Variants in SLC25A33 observed in about 807,000 individuals in gnomAD.
SLC25A33 encodes the protein solute carrier family 25 member 33.
Under a neutral mutation model 35.5 loss-of-function variants are expected in SLC25A33, and 15 were observed. That is an observed-to-expected ratio of 0.42 (90% CI 0.28 to 0.65). The LOEUF is 0.65. Ranked by LOEUF, SLC25A33 falls within the 30% of genes least tolerant of loss-of-function variation. The pLI, the probability that SLC25A33 is intolerant of heterozygous loss-of-function variation, is 0.20. For missense variants in SLC25A33, 257 were observed against 398.5 expected (o/e 0.64, Z 3.02); for synonymous variants, 136 against 148.7 (o/e 0.91, Z 0.62).
intron 5 of SLC25A33, among the ~76,000 whole-genome samples, chr1:9,575,079 G>A (rs1176751947): frequency 6.6e-6 from 1 of 151,802 alleles, no homozygotes; most frequent in East Asian, 1.9e-4. Context: ...CGGGCGTGAT[G>A]GTGGGCGCCT....
chr1:9,542,430 CA>C (rs1167861127), intron 1 of SLC25A33, among the ~76,000 whole-genome samples: 1 of 152,092 alleles, frequency 6.6e-6, no homozygotes, highest in Non-Finnish European at 1.5e-5. Context: ...AGACAGCTTC[CA>C]AAAGTATGTT....
At chr1:9,573,512 A>G in intron 5 of SLC25A33, 100 bp downstream of exon 5, 1 of 941,412 alleles carries the variant, frequency 1.1e-6, no homozygotes, top group Non-Finnish European at 1.6e-6. Context: ...ATAGAGATGT[A>G]CCCCCCTCCT....
At chr1:9,577,058 A>T in intron 5 of SLC25A33, 2 of 670,710 alleles carry the variant, frequency 3.0e-6, no homozygotes, top group Admixed American at 5.0e-5. Context: ...TATTTAAATG[A>T]TGCCATAAAA....
intron 4 of SLC25A33, among the ~76,000 whole-genome samples, chr1:9,571,434 T>C (rs781754143): frequency 1.3e-5 from 2 of 151,532 alleles, no homozygotes; most frequent in African/African-American, 2.4e-5. Flanking sequence ...GTTGGGACTA[T>C]AGGCACGTGT....
At chr1:9,570,404 C>G (rs1643572647) in intron 4 of SLC25A33, 46 bp downstream of exon 4, 1 of 1,491,668 alleles carries the variant, frequency 6.7e-7, no homozygotes, top group Non-Finnish European at 9.3e-7. Context: ...TCTCACTTTT[C>G]TAAAGCATGC....
chr1:9,545,949 C>T (rs1007889412), intron 1 of SLC25A33, among the ~76,000 whole-genome samples: 6 of 151,136 alleles, frequency 4.0e-5, no homozygotes, highest in African/African-American at 9.7e-5. Flanking sequence ...GGCAACAGAG[C>T]GAGACTCCGT....
Position 9,580,335 on chromosome 1 carries a change from C to A in SLC25A33, c.763+101C>A, listed in dbSNP as rs1643723630. 4 of 1,450,648 alleles carry A rather than the reference C, an allele frequency of 2.8e-6. No individual in the cohort carries two copies. The East Asian group carries it at 6.8e-5, about 25-fold the overall frequency. 89.9% of individuals were successfully genotyped at this position (1,450,648 alleles called of 1,614,324 possible). ...TGAGGCGCACATTGAGGCGCAGGAT[C>A]CCTGCAGGTAAGGTCAGTGAGTATG... On this transcript the variant is annotated intron_variant, in intron 6 of 6. Transcript: ENST00000302692.
intron 5 of SLC25A33, among the ~76,000 whole-genome samples, chr1:9,575,708 A>T (rs1569875982): frequency 6.6e-6 from 1 of 152,178 alleles, no homozygotes; most frequent in Admixed American, 6.6e-5. Flanking sequence ...AATGACCATG[A>T]TAACCTCTGC....
intron 4 of SLC25A33, among the ~76,000 whole-genome samples, chr1:9,570,915 A>G (rs1643581303): frequency 6.6e-6 from 1 of 151,880 alleles, no homozygotes; most frequent in Non-Finnish European, 1.5e-5. Flanking sequence ...GTTTCACCAC[A>G]TTGCCCGGGC....
At chr1:9,564,717 T>A (rs1643473843) in intron 2 of SLC25A33, among the ~76,000 whole-genome samples, 1 of 110,368 alleles carries the variant, frequency 9.1e-6, no homozygotes, top group Admixed American at 1.1e-4. Context: ...TGACACCTCG[T>A]CTCTATTTAA....
chr1:9,580,859 A>T (rs1379597944), intron 6 of SLC25A33, among the ~76,000 whole-genome samples: 4 of 122,206 alleles, frequency 3.3e-5, no homozygotes, highest in African/African-American at 1.5e-4. Flanking sequence ...TGTCTCAAAA[A>T]AAAAAAAATA....
intron 1 of SLC25A33, among the ~76,000 whole-genome samples, chr1:9,544,669 C>T (rs1643141495): frequency 6.6e-6 from 1 of 152,086 alleles, no homozygotes; most frequent in African/African-American, 2.4e-5. Context: ...GGTGAAATGG[C>T]GGTTACCAAA....
rs955245404 is a variant in SLC25A33 at position 9,582,217 on chromosome 1, C to T, written c.764-82C>T. On this transcript the variant is annotated intron_variant, in intron 6 of 6. Transcript: ENST00000302692. The surrounding 1 kb of genome is among the most constrained non-coding windows in gnomAD (Gnocchi z 4.0). ...GTGTGAGCCACCGCACCCGGCCTAA[C>T]CTTGACAGTTTTAAAGTTGTGTGCT... is the stretch of plus-strand genomic sequence containing the variant. The T allele has an allele frequency of 1.3e-6, 2 of 1,507,216 alleles. No individual in the cohort carries two copies. The highest frequency in any genetic ancestry group is 2.3e-5 in the South Asian group (2 of 87,898). The allele number at this position is 1,507,216 out of a possible 1,614,324, so 93.4% of individuals were successfully genotyped here. A position where few individuals can be genotyped will look rare whatever the true frequency, so the allele number is the denominator to read the frequency against.
chr1:9,541,047 T>A (rs1643071453), intron 1 of SLC25A33, among the ~76,000 whole-genome samples: 1 of 152,108 alleles, frequency 6.6e-6, no homozygotes, highest in Non-Finnish European at 1.5e-5. Flanking sequence ...TGGTGCGATC[T>A]TTGGGCTCAC....
chr1:9,570,181 A>G (rs553128561), intron 3 of SLC25A33, 77 bp from the exon 4 acceptor site: 2 of 1,342,154 alleles, frequency 1.5e-6, no homozygotes, highest in East Asian at 2.4e-5. Context: ...TTTTCCGAAA[A>G]TTTTTCAGGT....
chr1:9,581,559 T>A (rs1309550894), intron 6 of SLC25A33, among the ~76,000 whole-genome samples: 1 of 151,948 alleles, frequency 6.6e-6, no homozygotes, highest in Admixed American at 6.6e-5. Flanking sequence ...CGAAACCCCG[T>A]CTCTACTAAA....
chr1:9,547,702 C>T (rs990022446), intron 1 of SLC25A33, among the ~76,000 whole-genome samples: 1 of 152,010 alleles, frequency 6.6e-6, no homozygotes, highest in Non-Finnish European at 1.5e-5. Flanking sequence ...TAACCCCCCT[C>T]CCCCATTTCA....
At chr1:9,559,738 A>G (rs1569856743) in intron 2 of SLC25A33, among the ~76,000 whole-genome samples, 1 of 152,254 alleles carries the variant, frequency 6.6e-6, no homozygotes, top group South Asian at 2.1e-4. Context: ...TCAGGCTGCT[A>G]CCATGTGGGT....
intron 2 of SLC25A33, among the ~76,000 whole-genome samples, chr1:9,559,361 C>T (rs1643388395): frequency 6.6e-6 from 1 of 152,066 alleles, no homozygotes; most frequent in Non-Finnish European, 1.5e-5. Context: ...GCAAGCATTC[C>T]ATACAAATTG....
Sources: gnomAD v4.1 joint callset for allele counts (sites outside exome capture counted in the v4.1 genomes callset) on GRCh38, gnomAD v4.1.1 for gene constraint, Gnocchi (gnomAD v3.1) non-coding constraint, MANE v1.5 for transcripts, NCBI Gene and HGNC (gene_info 2026-07-23, HGNC 2026-07-21) for gene names.